DYRK1A: variants seen among roughly 807,000 people sequenced by gnomAD.
DYRK1A encodes the protein dual specificity tyrosine phosphorylation regulated kinase 1A.
In DYRK1A, 9 loss-of-function variants were observed where a neutral mutation model predicts 79.7. That is an observed-to-expected ratio of 0.11 (90% confidence interval 0.07 to 0.20). The LOEUF (loss-of-function observed/expected upper bound fraction) is 0.20, where lower values mean the gene tolerates loss of function less well. DYRK1A is among the 10% of genes least tolerant of loss of function. DYRK1A has a pLI of 1.00. For synonymous variants in DYRK1A, 349 were observed against 329.7 expected (o/e 1.06, Z -0.63); for missense variants, 622 against 956.0 (o/e 0.65, Z 4.61).
chr21:37,496,283 G>A, intron 9 of DYRK1A, 25 bp downstream of exon 9: 1 of 1,585,290 alleles, frequency 6.3e-7, no homozygotes. Flanking sequence ...TATCTGTTTT[G>A]AGCCTTTATT....
intron 1 of DYRK1A, among the ~76,000 whole-genome samples, chr21:37,405,811 G>C (rs1270403624): frequency 6.6e-6 from 1 of 152,132 alleles, no homozygotes; most frequent in East Asian, 1.9e-4. Context: ...TGAAGTCCAC[G>C]AGGTAGAGGC....
chr21:37,454,245 A>G (rs1012311792), intron 2 of DYRK1A, among the ~76,000 whole-genome samples: 2 of 151,900 alleles, frequency 1.3e-5, no homozygotes, highest in Non-Finnish European at 2.9e-5. Context: ...GGCGTGCGCT[A>G]CCATGCCTGG....
intron 2 of DYRK1A, among the ~76,000 whole-genome samples, chr21:37,444,752 A>G (rs879643445): frequency 2.6e-5 from 4 of 152,196 alleles, no homozygotes; most frequent in Admixed American, 2.6e-4. Flanking sequence ...CTTCTAGATA[A>G]GATGAGTAGA....
chr21:37,406,224 ATGGTTACTACAGAGTGTTTAC>A (rs2050143109), intron 1 of DYRK1A, among the ~76,000 whole-genome samples: 1 of 152,148 alleles, frequency 6.6e-6, no homozygotes, highest in Non-Finnish European at 1.5e-5. Context: ...ATTTTCTGTA[ATGGTTACTACAGAGTGTTTAC>A]TGGTTAATTT....
chr21:37,498,708 G>A (rs1466686597), intron 9 of DYRK1A, among the ~76,000 whole-genome samples: 1 of 152,148 alleles, frequency 6.6e-6, no homozygotes, highest in Non-Finnish European at 1.5e-5. Context: ...GAGTAGAATT[G>A]CCAGGTCATG....
intron 1 of DYRK1A, among the ~76,000 whole-genome samples, chr21:37,372,421 C>T (rs922378036): frequency 1.3e-5 from 2 of 150,672 alleles, no homozygotes; most frequent in Non-Finnish European, 1.5e-5. Flanking sequence ...TGCACTCCAG[C>T]CTGGGTGACA....
At chr21:37,417,076 C>T (rs1175439443) in intron 1 of DYRK1A, among the ~76,000 whole-genome samples, 2 of 152,132 alleles carry the variant, frequency 1.3e-5, no homozygotes, top group Admixed American at 1.3e-4. Flanking sequence ...CATTAGAGAA[C>T]ATATTGCACC....
rs578122344 is a variant in DYRK1A at position 37,463,240 on chromosome 21, T to C, written c.11-9444T>C. Among the ~76,000 whole-genome samples the C allele has an allele frequency of 7.3e-5, 5 of 68,726 alleles. No individual in the cohort carries two copies. The South Asian group carries it at 2.1e-3, about 29-fold the overall frequency. 45.1% of individuals were successfully genotyped at this position (68,726 alleles called of 152,430 possible). A position where few individuals can be genotyped will look rare whatever the true frequency, so the allele number is the denominator to read the frequency against. On this transcript the variant is annotated intron_variant, in intron 2 of 11. Coordinates refer to ENST00000647188, the MANE Select transcript of DYRK1A (RefSeq NM_001347721.2). The stretch of plus-strand genomic sequence containing the variant: ...TGTGTGTGTGTGTGTGTGTATCCTG[T>C]AGTAACACATATTGGCCACTAGAGG...
chr21:37,396,627 C>T (rs2049964105), intron 1 of DYRK1A, among the ~76,000 whole-genome samples: 1 of 151,988 alleles, frequency 6.6e-6, no homozygotes, highest in Non-Finnish European at 1.5e-5. Flanking sequence ...AGAGACCTGG[C>T]ATCAACTATT....
rs548366853 is a variant in DYRK1A, at chr21:37,507,869, T to C, written c.1644+1646T>C. ...TTGCTCCTAAGTCTTGACTTCTGAC[T>C]TAGACTTCACTTCTGAACCCCTGGG... On this transcript the variant is annotated intron_variant, in intron 11 of 11. Coordinates refer to ENST00000647188, the MANE Select transcript of DYRK1A (RefSeq NM_001347721.2). 5.3e-4 allele frequency among the ~76,000 whole-genome samples: 80 copies of C among 152,248 alleles called. No individual in the cohort carries two copies. The South Asian group carries it at 0.016, about 31-fold the overall frequency.
intron 2 of DYRK1A, among the ~76,000 whole-genome samples, chr21:37,463,550 A>G (rs76291711): frequency 0.023 from 3,475 of 152,270 alleles, 109 homozygotes; most frequent in African/African-American, 0.077. Context: ...CCTCCCGTGC[A>G]GTCCCCTCCC....
intron 2 of DYRK1A, among the ~76,000 whole-genome samples, chr21:37,463,098 T>C (rs780399089): frequency 1.5e-4 from 23 of 152,166 alleles, no homozygotes; most frequent in Non-Finnish European, 2.5e-4. Context: ...TTACGTCTTA[T>C]ATGAGCAATT....
rs963554015 is a variant in DYRK1A at position 37,525,504 on chromosome 21, G to A, written c.*12973G>A. The A allele has an allele frequency of 6.6e-6, 1 of 152,188 alleles. No individual in the cohort carries two copies. The highest frequency in any genetic ancestry group is 2.4e-5 in the African/African-American group (1 of 41,442). The allele number at this position is 152,188 out of a possible 1,614,324, so 9.4% of individuals were successfully genotyped here. On this transcript the variant is annotated 3_prime_UTR_variant, in exon 12 of 12. Transcript: ENST00000647188. ...ACCCATGACACGTGGGGATTATGGG[G>A]GCTACAATTCAATGAGATTTGGGTG... is the stretch of plus-strand genomic sequence containing the variant.
upstream of DYRK1A, among the ~76,000 whole-genome samples, chr21:37,366,704 C>T (rs971362744): frequency 3.3e-5 from 5 of 151,296 alleles, no homozygotes; most frequent in African/African-American, 4.9e-5. Context: ...CGGCTCGGGG[C>T]TGGGGGGCGG....
rs1569413822 is a variant in DYRK1A, at chr21:37,519,752, T to TGTTTTGTTTTGTTTTGTTTTGTTTG, written c.*7221_*7222insGTTTTGTTTTGTTTTGTTTTGTTTG. On this transcript the variant is annotated 3_prime_UTR_variant, in exon 12 of 12. Transcript: ENST00000647188. ...TTGTGGGAAGTTTTTTTTTTTTTTTTTTTTTTTGAGGCGGAGTCTCGCTCT... is the reference window on the plus strand; with the variant it reads ...TTGTGGGAAGTTTTTTTTTTTTTTTTGTTTTGTTTTGTTTTGTTTTGTTTGTTTTTTTGAGGCGGAGTCTCGCTCT... 1 of 141,798 alleles carries TGTTTTGTTTTGTTTTGTTTTGTTTG rather than the reference T, an allele frequency of 7.1e-6. No homozygotes were observed. The highest frequency in any genetic ancestry group is 1.5e-5 in the Non-Finnish European group (1 of 66,842). 8.8% of individuals were successfully genotyped at this position (141,798 alleles called of 1,614,324 possible). A position where few individuals can be genotyped will look rare whatever the true frequency, so the allele number is the denominator to read the frequency against.
At chr21:37,414,539 G>A (rs928515887) in intron 1 of DYRK1A, among the ~76,000 whole-genome samples, 3 of 152,026 alleles carry the variant, frequency 2.0e-5, no homozygotes, top group Non-Finnish European at 4.4e-5. Context: ...TGGGACTTTC[G>A]AGCTCAGTTC....
chr21:37,408,570 A>AT (rs1050548852), intron 1 of DYRK1A, among the ~76,000 whole-genome samples: 21 of 152,062 alleles, frequency 1.4e-4, no homozygotes, highest in Admixed American at 6.6e-5. Flanking sequence ...AATTATATAA[A>AT]TTTTTTTTAG....
At chr21:37,488,637 T>C (rs778209840) in intron 6 of DYRK1A, 1 of 985,390 alleles carries the variant, frequency 1.0e-6, no homozygotes, top group Non-Finnish European at 1.2e-6. Context: ...TCTTTGACAA[T>C]GTCTTTAGTG....
At chr21:37,462,292 G>A (rs2148529355) in intron 2 of DYRK1A, among the ~76,000 whole-genome samples, 1 of 152,254 alleles carries the variant, frequency 6.6e-6, no homozygotes, top group African/African-American at 2.4e-5. Context: ...TCTTTAAAGA[G>A]TGTTGAATGT....
Sources: allele counts gnomAD v4.1 joint callset (sites outside exome capture counted in the v4.1 genomes callset), GRCh38; gene constraint gnomAD v4.1.1; transcripts MANE v1.5; gene names NCBI Gene and HGNC (gene_info 2026-07-23, HGNC 2026-07-21).